Variants in STK35 observed in about 807,000 individuals in gnomAD.
STK35 encodes the protein serine/threonine kinase 35.
Under a neutral mutation model 37.3 loss-of-function variants are expected in STK35, and 17 were observed. The ratio of observed to expected loss-of-function variants is 0.46; its 90% CI spans 0.31 to 0.68. The LOEUF (loss-of-function observed/expected upper bound fraction) is 0.68. Ranked by LOEUF, STK35 falls within the 30% of genes least tolerant of loss-of-function variation. The probability of loss-of-function intolerance (pLI) is 0.05; values close to 1 mark genes in which losing one functional copy is unlikely to be tolerated. For missense variants in STK35, 595 were observed against 746.7 expected, an observed-to-expected ratio of 0.80 and a Z score of 2.37; for synonymous variants, 385 against 319.1, an observed-to-expected ratio of 1.21 and a Z score of -2.20.
intron 2 of STK35, among the ~76,000 whole-genome samples, chr20:2,116,004 G>C (rs1295198458): frequency 6.6e-6 from 1 of 152,050 alleles, no homozygotes; most frequent in Admixed American, 6.5e-5. Context: ...TGATGGCGAT[G>C]TACAGCTTTT....
chr20:2,130,871 C>T (rs530831013), intron 3 of STK35, among the ~76,000 whole-genome samples: 3 of 145,618 alleles, frequency 2.1e-5, no homozygotes, highest in East Asian at 1.9e-4. Flanking sequence ...TTGGCCATCC[C>T]GTCACACCGT....
chr20:2,135,030 G>T (rs1159885258), intron 3 of STK35, among the ~76,000 whole-genome samples: 1 of 152,190 alleles, frequency 6.6e-6, no homozygotes, highest in East Asian at 1.9e-4. Flanking sequence ...CCTTCATTTG[G>T]CAGGGGAAGA....
chr20:2,110,256 A>G (rs1985592607), intron 2 of STK35, among the ~76,000 whole-genome samples: 1 of 152,218 alleles, frequency 6.6e-6, no homozygotes, highest in African/African-American at 2.4e-5. Context: ...AATTTATTCA[A>G]ACTTCATTTT....
chr20:2,127,137 T>C (rs1316861455), intron 3 of STK35, among the ~76,000 whole-genome samples: 1 of 152,194 alleles, frequency 6.6e-6, no homozygotes, highest in Non-Finnish European at 1.5e-5. Context: ...TGGGTTTTAG[T>C]ATTGATTATC....
chr20:2,102,072 G>T lies in STK35; in HGVS notation c.191G>T (p.Arg64Leu). 1 of 1,521,682 alleles carries T rather than the reference G, an allele frequency of 6.6e-7. No homozygotes were observed. Among genetic ancestry groups the T allele is most frequent in the South Asian group, 1.2e-5 (1 of 82,914 alleles). 94.3% of individuals were successfully genotyped at this position (1,521,682 alleles called of 1,614,324 possible). ...CGCCGGGCTCGGGCCGCCACCTCCCGCGCTGCTCGGTCCCGGAGGCAGCCC... is the reference window on the plus strand; with the variant it reads ...CGCCGGGCTCGGGCCGCCACCTCCCTCGCTGCTCGGTCCCGGAGGCAGCCC... Reference protein sequence around the residue: ...ATRRARAATSRAARSRRQPGP... With the variant: ...ATRRARAATSLAARSRRQPGP... Residue 64 changes from arginine to leucine, a missense_variant, in exon 1 of 4, where the codon CGC becomes CTC. Transcript: ENST00000381482.
At chr20:2,118,729 T>G (rs1234870105) in intron 3 of STK35, among the ~76,000 whole-genome samples, 1 of 152,262 alleles carries the variant, frequency 6.6e-6, no homozygotes, top group Non-Finnish European at 1.5e-5. Flanking sequence ...TACCTAGTGA[T>G]GTAGCTGTTG....
In STK35 at chr20:2,117,255, C is replaced by T; in HGVS notation, c.1482C>T (p.Arg494=). 1.2e-6 allele frequency: 2 copies of T among 1,614,154 alleles called. No homozygotes were observed. The highest frequency in any genetic ancestry group is 1.7e-6 in the Non-Finnish European group (2 of 1,180,040). ...PKMELHIPQK[R]RTSMSEGIKQ... The stretch of plus-strand genomic sequence containing the variant: ...TGGAGTTGCACATCCCCCAAAAACG[C>T]AGGACTTCCATGTCTGAGGGGATCA... The change falls in exon 3 of 4, where the codon CGC becomes CGT. Residue 494 remains arginine (R), a synonymous_variant. Coordinates refer to ENST00000381482, the MANE Select transcript of STK35 (RefSeq NM_080836.4). The surrounding 1 kb of genome is among the most constrained non-coding windows in gnomAD (Gnocchi z 4.4).
Position 2,117,021 on chromosome 20 carries a change from C to T in STK35, c.1248C>T (p.Cys416=), listed in dbSNP as rs370795037. 84 of 1,614,020 alleles carry T rather than the reference C, an allele frequency of 5.2e-5. No individual in the cohort carries two copies. The highest frequency in any genetic ancestry group is 6.4e-5 in the Non-Finnish European group (75 of 1,180,030). The change falls in exon 3 of 4, where the codon TGC becomes TGT. Residue 416 remains cysteine (C), a synonymous_variant. Coordinates refer to ENST00000381482, the MANE Select transcript of STK35 (RefSeq NM_080836.4). The surrounding 1 kb of genome is among the most constrained non-coding windows in gnomAD (Gnocchi z 4.4). ...ATAAGTACTGGCTGTCCTCAGCCTG[C>T]GGTTCGGACTTCTACATGGCTCCTG... ...NVNKYWLSSA[C]GSDFYMAPEV...
intron 3 of STK35, among the ~76,000 whole-genome samples, chr20:2,140,399 C>G (rs189988989): frequency 3.9e-4 from 59 of 152,334 alleles, no homozygotes; most frequent in Non-Finnish European, 7.5e-4. Context: ...GGGCTGAGAC[C>G]TACACCCTTT....
chr20:2,141,890 G>A (rs1039220278), intron 3 of STK35, among the ~76,000 whole-genome samples: 11 of 152,046 alleles, frequency 7.2e-5, no homozygotes, highest in African/African-American at 2.7e-4. Context: ...CCTTATTTTT[G>A]GACTTGTGAG....
In STK35 at chr20:2,117,183, G is replaced by A. The variant is rs756100862; in HGVS notation, c.1410G>A (p.Gly470=). 2 of 1,614,140 alleles carry A rather than the reference G, an allele frequency of 1.2e-6. No individual in the cohort carries two copies. The highest frequency in any genetic ancestry group is 2.2e-5 in the East Asian group (1 of 44,876). Residue 470 remains glycine (G), a synonymous_variant, in exon 3 of 4, where the codon GGG becomes GGA. Coordinates refer to ENST00000381482, the MANE Select transcript of STK35 (RefSeq NM_080836.4). This position sits in a 1 kb window ranked among gnomAD's most constrained non-coding sequence, Gnocchi z 4.4. The part of the protein sequence containing the change: ...KELLGTYIKQ[G]TEIVPVGEAL... ...TCCTGGGGACCTACATTAAACAGGG[G>A]ACTGAGATCGTCCCTGTTGGTGAGG...
In STK35 at chr20:2,103,227, A is replaced by G. The variant is rs1471348399; in HGVS notation, c.754A>G (p.Thr252Ala). 6 of 1,612,324 alleles carry G rather than the reference A, an allele frequency of 3.7e-6. No individual in the cohort carries two copies. Among genetic ancestry groups the G allele is most frequent in the Non-Finnish European group, 5.1e-6 (6 of 1,179,788 alleles). Residue 252 changes from threonine to alanine, a missense_variant, in exon 2 of 4, where the codon ACC (threonine) becomes GCC (alanine). Thr to Ala is a moderately conservative substitution (Grantham distance 58, BLOSUM62 0). This residue lies in a region of STK35 where 97 missense variants were observed against 146.4 expected (regional missense o/e 0.66). Coordinates refer to ENST00000381482, the MANE Select transcript of STK35 (RefSeq NM_080836.4). ...ELALAEFWAL[T>A]SLKRRHQNVV... ...GGCGCTGGCTGAATTCTGGGCCCTCACCAGCCTCAAGCGGCGCCACCAGAA... is the reference window on the plus strand; with the variant it reads ...GGCGCTGGCTGAATTCTGGGCCCTCGCCAGCCTCAAGCGGCGCCACCAGAA...
chr20:2,109,000 C>T (rs1985568204), intron 2 of STK35, among the ~76,000 whole-genome samples: 1 of 152,194 alleles, frequency 6.6e-6, no homozygotes, highest in Non-Finnish European at 1.5e-5. Context: ...TCTCTTTTTA[C>T]ACCTCTCCAG....
At chr20:2,133,639 A>G (rs549819437) in intron 3 of STK35, among the ~76,000 whole-genome samples, 6 of 152,328 alleles carry the variant, frequency 3.9e-5, no homozygotes, top group African/African-American at 1.4e-4. Flanking sequence ...CGCAGACAAG[A>G]TGACTCAGTG....
intron 3 of STK35, among the ~76,000 whole-genome samples, chr20:2,118,283 A>T (rs547869339): frequency 1.0e-3 from 153 of 152,322 alleles, no homozygotes; most frequent in Non-Finnish European, 1.9e-3. Context: ...CATTTTAGAT[A>T]CTATAAAGAA....
intron 3 of STK35, among the ~76,000 whole-genome samples, chr20:2,119,050 C>T (rs1258702180): frequency 1.3e-5 from 2 of 152,192 alleles, no homozygotes; most frequent in African/African-American, 2.4e-5. Flanking sequence ...CATGATAAGC[C>T]AAATCAGAGA....
chr20:2,115,417 C>T (rs754386319), intron 2 of STK35, among the ~76,000 whole-genome samples: 42 of 152,076 alleles, frequency 2.8e-4, no homozygotes, highest in Non-Finnish European at 5.3e-4. Context: ...ATACTGGGGC[C>T]AGAGAGAGGA....
intron 3 of STK35, among the ~76,000 whole-genome samples, chr20:2,124,192 A>G (rs1985865642): frequency 6.6e-6 from 1 of 152,218 alleles, no homozygotes; most frequent in Non-Finnish European, 1.5e-5. Context: ...CACAAAGCCC[A>G]GAGCATTATG....
At chr20:2,105,962 G>A (rs1600598105) in intron 2 of STK35, among the ~76,000 whole-genome samples, 1 of 152,172 alleles carries the variant, frequency 6.6e-6, no homozygotes, top group Non-Finnish European at 1.5e-5. Context: ...GTTGTTTGGA[G>A]TCTTTAAAAT....
Sources: gnomAD v4.1 joint callset for allele counts (sites outside exome capture counted in the v4.1 genomes callset) on GRCh38, gnomAD v4.1.1 for gene constraint, gnomAD v4.1.1 regional missense constraint, Gnocchi (gnomAD v3.1) non-coding constraint, MANE v1.5 for transcripts, NCBI Gene and HGNC (gene_info 2026-07-23, HGNC 2026-07-21) for gene names.